Variants in CTBP2 observed in about 807,000 individuals in gnomAD.
The protein encoded by CTBP2 is C-terminal-binding protein 2.
Under a neutral mutation model 80.3 loss-of-function variants are expected in CTBP2, and 30 were observed. The ratio of observed to expected loss-of-function variants is 0.37; its 90% CI spans 0.28 to 0.51. CTBP2 has a LOEUF of 0.51. Among genes scored for constraint, CTBP2 ranks in the 20% least tolerant of loss-of-function variants. The pLI is 0.93. For synonymous variants in CTBP2, 594 were observed against 587.4 expected, an observed-to-expected ratio of 1.01 and a Z score of -0.16; for missense variants, 1,212 against 1,375.3, an observed-to-expected ratio of 0.88 and a Z score of 1.88.
At chr10:125,016,374 C>T (rs1956488258) in intron 1 of CTBP2, among the ~76,000 whole-genome samples, 2 of 152,234 alleles carry the variant, frequency 1.3e-5, no homozygotes, top group South Asian at 4.1e-4. Flanking sequence ...GCCCTGGCTG[C>T]TGGCTTGTCC....
chr10:125,114,426 G>C (rs1283881333), intron 1 of CTBP2, among the ~76,000 whole-genome samples: 2 of 152,036 alleles, frequency 1.3e-5, no homozygotes, highest in African/African-American at 4.8e-5. Flanking sequence ...TTTGGGGGTG[G>C]GAGTCCCAAC....
chr10:125,005,461 C>T (rs1462833340), intron 1 of CTBP2: 4 of 1,379,904 alleles, frequency 2.9e-6, no homozygotes, highest in Non-Finnish European at 4.0e-6. Flanking sequence ...TGGATCCGCA[C>T]TCCAACATCC....
At chr10:125,008,143 G>A (rs1415691417) in intron 1 of CTBP2, among the ~76,000 whole-genome samples, 2 of 152,102 alleles carry the variant, frequency 1.3e-5, no homozygotes, top group Non-Finnish European at 2.9e-5. Context: ...ACAGGGTTTC[G>A]CGATGTTGGC....
intron 1 of CTBP2, among the ~76,000 whole-genome samples, chr10:125,011,936 CG>C (rs1565089342): frequency 6.6e-6 from 1 of 152,220 alleles, no homozygotes; most frequent in African/African-American, 2.4e-5. Flanking sequence ...CACCTAACCC[CG>C]GGTGCAGCTC....
At chr10:125,060,669 T>C (rs983699679) in intron 2 of CTBP2, among the ~76,000 whole-genome samples, 2 of 152,176 alleles carry the variant, frequency 1.3e-5, no homozygotes, top group Non-Finnish European at 2.9e-5. Context: ...GGAAGAGGGA[T>C]TGGGTGTATT....
Position 125,099,092 on chromosome 10 carries a change from G to A in CTBP2, c.-102+11898C>T, listed in dbSNP as rs142171213. Among the ~76,000 whole-genome samples the A allele has an allele frequency of 5.0e-3, 764 of 152,302 alleles. 3 individuals are homozygous for A. The highest frequency in any genetic ancestry group is 8.5e-3 in the Non-Finnish European group (580 of 68,034). On this transcript the variant is annotated intron_variant, in intron 2 of 10. Transcript: ENST00000337195. Reference sequence around the variant, plus strand: ...ATCATACTAGCACACGGTCAGGCACGTTCAGTACGCACAGGTTTATACCAA... The same window carrying A: ...ATCATACTAGCACACGGTCAGGCACATTCAGTACGCACAGGTTTATACCAA...
intron 6 of CTBP2, among the ~76,000 whole-genome samples, chr10:124,993,614 C>G (rs1450499493): frequency 6.6e-6 from 1 of 152,236 alleles, no homozygotes; most frequent in East Asian, 1.9e-4. Context: ...AAGACCAGAA[C>G]CACTGCCACA....
At chr10:124,997,661 C>T (rs1241942848) in intron 4 of CTBP2, 6 of 458,432 alleles carry the variant, frequency 1.3e-5, no homozygotes, top group Admixed American at 3.9e-5. Context: ...CACCCCTGCC[C>T]AGGGAAATTT....
At chr10:125,012,965 G>A (rs1956096393) in intron 1 of CTBP2, among the ~76,000 whole-genome samples, 1 of 152,184 alleles carries the variant, frequency 6.6e-6, no homozygotes, top group African/African-American at 2.4e-5. Flanking sequence ...TCAAAACCAG[G>A]ACTGGCTGGT....
chr10:125,159,977 C>G (rs1038510151), intron 1 of CTBP2: 4 of 145,430 alleles, frequency 2.8e-5, no homozygotes, highest in Admixed American at 2.1e-4. Flanking sequence ...TTTTTTTCAA[C>G]CCTGATGGGA....
intron 5 of CTBP2, 106 bp from the exon 8 acceptor site, chr10:124,994,091 G>T: frequency 6.8e-7 from 1 of 1,468,568 alleles, no homozygotes; most frequent in East Asian, 2.3e-5. Flanking sequence ...TGGTCTGGTG[G>T]TTTAATGTGT....
intron 1 of CTBP2, among the ~76,000 whole-genome samples, chr10:125,111,850 T>C (rs1448968200): frequency 6.6e-6 from 1 of 152,186 alleles, no homozygotes; most frequent in African/African-American, 2.4e-5. Flanking sequence ...AGACAACCTG[T>C]GCAGCAGGCA....
chr10:125,015,951 G>C (rs1474067182), intron 1 of CTBP2, among the ~76,000 whole-genome samples: 2 of 152,232 alleles, frequency 1.3e-5, no homozygotes, highest in African/African-American at 4.8e-5. Flanking sequence ...AAAGGCCACA[G>C]GCAACCCAGA....
At chr10:125,063,478 G>T (rs551682582) in intron 2 of CTBP2, among the ~76,000 whole-genome samples, 6 of 152,132 alleles carry the variant, frequency 3.9e-5, no homozygotes, top group African/African-American at 1.2e-4. Flanking sequence ...CGACTCGTGC[G>T]AAAGGCCTCA....
chr10:125,125,109 G>A (rs1466482343), intron 1 of CTBP2, among the ~76,000 whole-genome samples: 6 of 152,180 alleles, frequency 3.9e-5, no homozygotes, highest in African/African-American at 1.4e-4. Context: ...AGGGGACAGA[G>A]GTATCCTCTC....
At chr10:125,026,053 AGGCAG>A in intron 1 of CTBP2, 4 of 1,536,536 alleles carry the variant, frequency 2.6e-6, no homozygotes, top group Non-Finnish European at 3.5e-6. Context: ...CCAGGTCCCC[AGGCAG>A]GGCAGGCGGG....
At chr10:125,133,168 G>C (rs79921628) in intron 1 of CTBP2, among the ~76,000 whole-genome samples, 3,070 of 152,248 alleles carry the variant, frequency 0.02, 96 homozygotes, top group African/African-American at 0.068. Flanking sequence ...CATGTGTCTG[G>C]TGCATGGAAA....
intron 1 of CTBP2, among the ~76,000 whole-genome samples, chr10:125,127,871 A>T (rs1855526559): frequency 1.3e-5 from 2 of 152,196 alleles, no homozygotes; most frequent in Non-Finnish European, 2.9e-5. Context: ...TGCATTTTAA[A>T]ATCAATTTTG....
chr10:125,083,317 AAG>A (rs1403919990), intron 2 of CTBP2, among the ~76,000 whole-genome samples: 2 of 152,172 alleles, frequency 1.3e-5, no homozygotes, highest in Non-Finnish European at 2.9e-5. Flanking sequence ...CTGGATAAAA[AAG>A]AGTCTCCCTG....
Sources: gnomAD v4.1 joint callset for allele counts (sites outside exome capture counted in the v4.1 genomes callset) on GRCh38, gnomAD v4.1.1 for gene constraint, MANE v1.5 for transcripts, NCBI Gene and HGNC (gene_info 2026-07-23, HGNC 2026-07-21) for gene names.